POLD3: variants seen among roughly 807,000 people sequenced by gnomAD.
POLD3 encodes DNA polymerase delta subunit 3.
A neutral mutation model predicts 58.2 loss-of-function variants in POLD3; 19 were observed. The observed-to-expected ratio is 0.33, with a 90% CI of 0.23 to 0.48. The LOEUF is 0.48. Ranked by LOEUF, POLD3 falls within the 20% of genes least tolerant of loss-of-function variation. The pLI is 0.99. For synonymous variants in POLD3, 172 were observed against 193.5 expected (o/e 0.89, Z 0.92); for missense variants, 504 against 545.5 (o/e 0.92, Z 0.76).
intron 4 of POLD3, among the ~76,000 whole-genome samples, chr11:74,657,016 G>C (rs571474015): frequency 5.0e-3 from 82 of 16,266 alleles, no homozygotes; most frequent in African/African-American, 0.018. Context: ...ATGGATTGAT[G>C]CCTTTACCAT....
At chr11:74,622,021 T>TC (rs1041863888) in intron 7 of POLD3, among the ~76,000 whole-genome samples, 5 of 54,098 alleles carry the variant, frequency 9.2e-5, no homozygotes, top group African/African-American at 2.0e-4. Flanking sequence ...CCCTCCCACC[T>TC]CCCCCCACCC....
At chr11:74,598,167 G>C (rs1230128075) in intron 2 of POLD3, among the ~76,000 whole-genome samples, 1 of 152,138 alleles carries the variant, frequency 6.6e-6, no homozygotes, top group Non-Finnish European at 1.5e-5. Context: ...TTTCAGATTA[G>C]GTGTTAGTTC....
chr11:74,592,899 C>G, intron 1 of POLD3, 181 bp downstream of exon 1: 1 of 1,434,484 alleles, frequency 7.0e-7, no homozygotes, highest in Non-Finnish European at 9.2e-7. Flanking sequence ...TCGGGAAGGT[C>G]CTCCAGCACA....
At chr11:74,610,259 G>A (rs1473208129) in intron 3 of POLD3, among the ~76,000 whole-genome samples, 2 of 150,178 alleles carry the variant, frequency 1.3e-5, no homozygotes, top group African/African-American at 4.9e-5. Flanking sequence ...TCACCAGGCT[G>A]GAGTGCAGTG....
At chr11:74,612,591 T>A (rs1265769747) in intron 4 of POLD3, among the ~76,000 whole-genome samples, 1 of 152,184 alleles carries the variant, frequency 6.6e-6, no homozygotes, top group Non-Finnish European at 1.5e-5. Context: ...AAGAAAAAGA[T>A]CATCGTAGTC....
chr11:74,595,500 T>A (rs960583296), intron 2 of POLD3: 1 of 152,198 alleles, frequency 6.6e-6, no homozygotes, highest in Non-Finnish European at 1.5e-5. Context: ...TTTTAAGAGT[T>A]CTTTATATAT....
At chr11:74,626,920 C>G (rs547259668) in intron 8 of POLD3, among the ~76,000 whole-genome samples, 13 of 152,164 alleles carry the variant, frequency 8.5e-5, no homozygotes, top group Admixed American at 6.5e-4. Context: ...ATAAATATAC[C>G]TACTGTGCTG....
At position 74,668,120 on chromosome 11, in the gene POLD3, C is replaced by T. The variant is rs965467777; in HGVS notation, c.370-657C>T. Among the ~76,000 whole-genome samples, 6 of 152,180 alleles carry T rather than the reference C, an allele frequency of 3.9e-5. No homozygotes were observed. In the East Asian group the frequency reaches 5.8e-4, roughly 15 times the overall value. On this transcript the variant is annotated intron_variant, in intron 4 of 4. Transcript: ENST00000524752. The stretch of plus-strand genomic sequence containing the variant: ...TGGATAAATTTGGAACCTTCATCCA[C>T]AGCTGGTGGGAATATAAAATGGTGC...
intron 8 of POLD3, among the ~76,000 whole-genome samples, chr11:74,625,921 C>T (rs1457851664): frequency 6.9e-6 from 1 of 143,938 alleles, no homozygotes; most frequent in Non-Finnish European, 1.5e-5. Flanking sequence ...CTTCAAATTG[C>T]CAAATGAACA....
chr11:74,611,549 T>G lies in POLD3; in HGVS notation c.259+11T>G, dbSNP rs749596500. On this transcript the variant is annotated intron_variant, in intron 4 of 11. Transcript: ENST00000263681. ...AAGATAAATTGGAAGGTAAGTGTTT[T>G]AGTGACTTAGCAAGTTTTTCCTCTT... 1 of 1,531,804 alleles carries G rather than the reference T, an allele frequency of 6.5e-7. No individual in the cohort carries two copies. The highest frequency in any genetic ancestry group is 1.2e-5 in the South Asian group (1 of 86,126). The allele number at this position is 1,531,804 out of a possible 1,614,324, so 94.9% of individuals were successfully genotyped here.
intron 11 of POLD3, among the ~76,000 whole-genome samples, chr11:74,638,045 T>C (rs2032802286): frequency 6.6e-6 from 1 of 152,114 alleles, no homozygotes; most frequent in Non-Finnish European, 1.5e-5. Context: ...GAGATAAGTT[T>C]GGAGTAGACT....
intron 4 of POLD3, among the ~76,000 whole-genome samples, chr11:74,611,844 A>C (rs1373768850): frequency 6.6e-6 from 1 of 152,256 alleles, no homozygotes; most frequent in African/African-American, 2.4e-5. Context: ...GTGAAAAGAC[A>C]GTGGCAGTTT....
intron 2 of POLD3, among the ~76,000 whole-genome samples, chr11:74,597,134 C>T (rs1251781770): frequency 1.3e-5 from 2 of 152,172 alleles, no homozygotes; most frequent in Admixed American, 1.3e-4. Context: ...CTGGATCATA[C>T]AGTAGCTCTA....
intron 4 of POLD3, among the ~76,000 whole-genome samples, chr11:74,649,768 G>A (rs927654966): frequency 5.3e-5 from 8 of 152,204 alleles, no homozygotes. Flanking sequence ...AGCACTTTGG[G>A]AGACCGAGGC....
At position 74,642,190 on chromosome 11, in the gene POLD3, T is replaced by A; in HGVS notation, c.*1424T>A. 1.0e-6 allele frequency: 1 copy of A among 985,442 alleles called. No homozygotes were observed. The highest frequency in any genetic ancestry group is 1.2e-6 in the Non-Finnish European group (1 of 829,936). The allele number at this position is 985,442 out of a possible 1,614,324, so 61.0% of individuals were successfully genotyped here. A position where few individuals can be genotyped will look rare whatever the true frequency, so the allele number is the denominator to read the frequency against. On this transcript the variant is annotated 3_prime_UTR_variant, in exon 12 of 12. Coordinates refer to ENST00000263681, the MANE Select transcript of POLD3 (RefSeq NM_006591.3). ...ACTTTGGGATTAACATGAGCTTCTT[T>A]AGCAACCAAGCATGAACTTGATTAA...
chr11:74,604,484 C>T (rs142561716), intron 2 of POLD3: 17 of 515,002 alleles, frequency 3.3e-5, no homozygotes, highest in African/African-American at 2.5e-4. Flanking sequence ...ACTGTGCCAG[C>T]TCCAAACACA....
chr11:74,634,557 G>A, intron 9 of POLD3, 26 bp from the exon 10 acceptor site: 1 of 1,235,426 alleles, frequency 8.1e-7, no homozygotes, highest in Non-Finnish European at 1.2e-6. Flanking sequence ...GTAGTTCTCT[G>A]ATCTAAGTCC....
chr11:74,645,223 C>T (rs891438942), downstream of POLD3, among the ~76,000 whole-genome samples: 3 of 152,182 alleles, frequency 2.0e-5, no homozygotes, highest in African/African-American at 7.2e-5. Flanking sequence ...CTGAGGTAGG[C>T]TAACCATTTT....
At chr11:74,637,350 T>A (rs1374087708) in intron 11 of POLD3, among the ~76,000 whole-genome samples, 1 of 151,950 alleles carries the variant, frequency 6.6e-6, no homozygotes, top group Non-Finnish European at 1.5e-5. Context: ...TCTTTACGTG[T>A]GGAAATTCTG....
Sources: allele counts gnomAD v4.1 joint callset (sites outside exome capture counted in the v4.1 genomes callset), GRCh38; gene constraint gnomAD v4.1.1; transcripts MANE v1.5; gene names NCBI Gene and HGNC (gene_info 2026-07-23, HGNC 2026-07-21).